The following TDRD3 variants were observed in gnomAD, a reference collection of about 807,000 sequenced individuals.
TDRD3 encodes the protein tudor domain-containing protein 3.
Under a neutral mutation model 86.7 loss-of-function variants are expected in TDRD3, and 45 were observed. That is an observed-to-expected ratio of 0.52 (90% CI 0.41 to 0.67). The LOEUF (loss-of-function observed/expected upper bound fraction) is 0.67, where lower values mean the gene tolerates loss of function less well. TDRD3 is among the 30% of genes least tolerant of loss of function. TDRD3 has a pLI of 0.00. For synonymous variants in TDRD3, 298 were observed against 301.7 expected, an observed-to-expected ratio of 0.99 and a Z score of 0.13; for missense variants, 814 against 889.0, an observed-to-expected ratio of 0.92 and a Z score of 1.07.
intron 11 of TDRD3, among the ~76,000 whole-genome samples, chr13:60,533,967 T>C (rs1392640131): frequency 6.6e-6 from 1 of 152,198 alleles, no homozygotes; most frequent in African/African-American, 2.4e-5. Context: ...ACTGAAAGAT[T>C]ACTGCAATCA....
chr13:60,543,238 A>T (rs1957857993), intron 12 of TDRD3, among the ~76,000 whole-genome samples: 1 of 152,204 alleles, frequency 6.6e-6, no homozygotes, highest in African/African-American at 2.4e-5. Flanking sequence ...CCATCATAAG[A>T]ATACAAAAGT....
intron 8 of TDRD3, among the ~76,000 whole-genome samples, chr13:60,501,283 C>A (rs1175294072): frequency 6.6e-6 from 1 of 152,158 alleles, no homozygotes; most frequent in Non-Finnish European, 1.5e-5. Context: ...TGGGGAACAA[C>A]AGCTAGGGCT....
At position 60,442,159 on chromosome 13, in the gene TDRD3, A is replaced by G. The variant is rs1322245304; in HGVS notation, c.126+2387A>G. ...TGGGGAGTAAGAATATTAAGAAATG[A>G]CATTGAAATCCAGCATGTAAGTTTT... On this transcript the variant is annotated intron_variant, in intron 2 of 13. Coordinates refer to ENST00000377881, the MANE Select transcript of TDRD3 (RefSeq NM_001146070.2). 3.3e-5 allele frequency among the ~76,000 whole-genome samples: 5 copies of G among 152,214 alleles called. No homozygotes were observed. In the East Asian group the frequency reaches 7.7e-4, roughly 23 times the overall value.
chr13:60,445,604 A>T (rs947397135), intron 3 of TDRD3, among the ~76,000 whole-genome samples: 17 of 151,890 alleles, frequency 1.1e-4, no homozygotes, highest in Admixed American at 1.3e-4. Context: ...AACAACCTCT[A>T]CTCCCATCTG....
At chr13:60,424,416 G>A (rs557957471) in intron 1 of TDRD3, among the ~76,000 whole-genome samples, 118 of 152,122 alleles carry the variant, frequency 7.8e-4, no homozygotes, top group Non-Finnish European at 6.2e-4. Context: ...AGTGGCTCAC[G>A]CGTGTAATCC....
At chr13:60,432,782 T>G (rs1413078354) in intron 1 of TDRD3, among the ~76,000 whole-genome samples, 2 of 152,190 alleles carry the variant, frequency 1.3e-5, no homozygotes, top group African/African-American at 4.8e-5. Flanking sequence ...TTTCCCTCTC[T>G]TGTCCCACCT....
Position 60,535,100 on chromosome 13 carries a change from C to T in TDRD3, c.1993-8C>T. 1 of 1,612,934 alleles carries T rather than the reference C, an allele frequency of 6.2e-7. No homozygotes were observed. Among genetic ancestry groups the T allele is most frequent in the South Asian group, 1.1e-5 (1 of 90,908 alleles). On this transcript the variant is annotated splice_region_variant and splice_polypyrimidine_tract_variant and intron_variant, in intron 11 of 13. Transcript: ENST00000377881. ...TTGTCATATTTAAAACTCCTTTTGC[C>T]TCCTCAGTTTTACCGGGCAGAAGTT...
intron 1 of TDRD3, among the ~76,000 whole-genome samples, chr13:60,397,901 G>T (rs576663669): frequency 1.8e-4 from 28 of 152,286 alleles, no homozygotes; most frequent in African/African-American, 5.8e-4. Context: ...CCCGCGCTGC[G>T]GCCGGAGCCG....
intron 7 of TDRD3, among the ~76,000 whole-genome samples, chr13:60,489,480 T>C (rs1355149650): frequency 2.0e-5 from 3 of 152,238 alleles, no homozygotes; most frequent in Non-Finnish European, 4.4e-5. Context: ...AAGCACAGGC[T>C]CTGGAATCAC....
intron 12 of TDRD3, among the ~76,000 whole-genome samples, chr13:60,552,734 C>A (rs546374809): frequency 6.6e-6 from 1 of 152,368 alleles, no homozygotes; most frequent in African/African-American, 2.4e-5. Context: ...CCTCTGAAAT[C>A]TAAGTGGAGG....
intron 3 of TDRD3, among the ~76,000 whole-genome samples, chr13:60,456,413 A>G (rs1037278568): frequency 3.3e-5 from 5 of 152,200 alleles, no homozygotes; most frequent in African/African-American, 1.2e-4. Flanking sequence ...TATTTCTAGC[A>G]GATACTTAAT....
chr13:60,485,209 T>C (rs1956404214), intron 6 of TDRD3, among the ~76,000 whole-genome samples: 1 of 152,112 alleles, frequency 6.6e-6, no homozygotes, highest in African/African-American at 2.4e-5. Context: ...ATACTATTTT[T>C]ACTGGTAAGA....
At chr13:60,453,334 A>G (rs1260790936) in intron 3 of TDRD3, among the ~76,000 whole-genome samples, 2 of 150,796 alleles carry the variant, frequency 1.3e-5, no homozygotes, top group Non-Finnish European at 3.0e-5. Flanking sequence ...AACGAGTAAC[A>G]TGTAGTTTTT....
intron 10 of TDRD3, among the ~76,000 whole-genome samples, chr13:60,525,829 A>G (rs938522367): frequency 3.9e-5 from 6 of 152,246 alleles, no homozygotes; most frequent in African/African-American, 7.2e-5. Flanking sequence ...TGAAAACAAT[A>G]ATAAAAAATC....
chr13:60,553,605 G>A (rs1958117103), intron 12 of TDRD3, among the ~76,000 whole-genome samples: 1 of 151,752 alleles, frequency 6.6e-6, no homozygotes, highest in South Asian at 2.1e-4. Flanking sequence ...TGGCTCGAGA[G>A]GTCTCTGGAA....
intron 1 of TDRD3, among the ~76,000 whole-genome samples, chr13:60,412,325 T>A (rs929120673): frequency 1.3e-5 from 2 of 152,198 alleles, no homozygotes; most frequent in African/African-American, 4.8e-5. Flanking sequence ...GAGGCTCTAT[T>A]TTTTTGGCCT....
At chr13:60,497,123 T>G (rs1399820328) in intron 8 of TDRD3, among the ~76,000 whole-genome samples, 3 of 152,186 alleles carry the variant, frequency 2.0e-5, no homozygotes, top group Non-Finnish European at 4.4e-5. Flanking sequence ...GTGGACACCC[T>G]GCTGGATCCG....
intron 12 of TDRD3, among the ~76,000 whole-genome samples, chr13:60,551,909 A>C (rs1378487149): frequency 2.0e-5 from 3 of 152,200 alleles, no homozygotes; most frequent in Admixed American, 6.5e-5. Flanking sequence ...TATCATGAGA[A>C]CAGCATGGGG....
intron 12 of TDRD3, among the ~76,000 whole-genome samples, chr13:60,553,296 A>G (rs1566299333): frequency 6.6e-6 from 1 of 152,154 alleles, no homozygotes; most frequent in East Asian, 1.9e-4. Context: ...ACCCTAAATC[A>G]TCATTCACTA....
Sources: allele counts gnomAD v4.1 joint callset (sites outside exome capture counted in the v4.1 genomes callset), GRCh38; gene constraint gnomAD v4.1.1; transcripts MANE v1.5; gene names NCBI Gene and HGNC (gene_info 2026-07-23, HGNC 2026-07-21).